The following GJB7 variants were observed in gnomAD, a reference collection of about 807,000 sequenced individuals.
GJB7 encodes the protein gap junction protein beta 7, also known as gap junction beta-7 protein.
For synonymous variants in GJB7, 87 were observed against 95.2 expected, an observed-to-expected ratio of 0.91 and a Z score of 0.50; for missense variants, 253 against 256.8, an observed-to-expected ratio of 0.99 and a Z score of 0.10.
rs192480378 is a variant in GJB7 at position 87,291,644 on chromosome 6, A to G, written c.-27-6705T>C. Among the ~76,000 whole-genome samples the G allele has an allele frequency of 8.2e-4, 125 of 152,288 alleles. 3 individuals are homozygous for G. The South Asian group carries it at 0.019, about 24-fold the overall frequency. On this transcript the variant is annotated intron_variant, in intron 2 of 2. Coordinates refer to ENST00000525899, the MANE Select transcript of GJB7 (RefSeq NM_198568.3). ...CTGAAAGCTCTAGAGTCAACCACAC[A>G]TTCCACATAGGCAACCTTACTTCGT...
intron 2 of GJB7, among the ~76,000 whole-genome samples, chr6:87,296,095 A>G (rs1456601779): frequency 1.3e-5 from 2 of 152,244 alleles, no homozygotes; most frequent in Non-Finnish European, 2.9e-5. Context: ...GAAAACATTT[A>G]GAGCCAACTA....
intron 2 of GJB7, among the ~76,000 whole-genome samples, chr6:87,320,350 G>C (rs1272443975): frequency 6.6e-6 from 1 of 152,022 alleles, no homozygotes; most frequent in Non-Finnish European, 1.5e-5. Flanking sequence ...AAGTTAATTT[G>C]GCTTGGGAGA....
At chr6:87,328,164 T>C (rs577563644) in intron 1 of GJB7, among the ~76,000 whole-genome samples, 2 of 152,328 alleles carry the variant, frequency 1.3e-5, no homozygotes, top group South Asian at 4.1e-4. Context: ...TTCTAAACTT[T>C]TTTCAAAGTT....
chr6:87,302,273 G>A (rs1776342763), intron 2 of GJB7, among the ~76,000 whole-genome samples: 1 of 149,768 alleles, frequency 6.7e-6, no homozygotes, highest in Non-Finnish European at 1.5e-5. Context: ...GAAGCTAAAA[G>A]CCTTGAAAAA....
At chr6:87,294,038 CA>C (rs1283018163) in intron 2 of GJB7, among the ~76,000 whole-genome samples, 1 of 152,174 alleles carries the variant, frequency 6.6e-6, no homozygotes, top group Non-Finnish European at 1.5e-5. Flanking sequence ...TTAATTCTTC[CA>C]CCTCCATCTT....
intron 2 of GJB7, among the ~76,000 whole-genome samples, chr6:87,285,741 G>A (rs1318112348): frequency 6.6e-6 from 1 of 152,146 alleles, no homozygotes; most frequent in East Asian, 1.9e-4. Flanking sequence ...TTTTAGTGGG[G>A]GAGAGGGAGA....
At chr6:87,288,671 T>C (rs1776109580) in intron 2 of GJB7, among the ~76,000 whole-genome samples, 2 of 152,344 alleles carry the variant, frequency 1.3e-5, no homozygotes, top group Non-Finnish European at 2.9e-5. Flanking sequence ...TTCAGTAAAC[T>C]GCACCACCAT....
At chr6:87,321,354 A>G (rs1230937243) in intron 2 of GJB7, among the ~76,000 whole-genome samples, 13 of 152,010 alleles carry the variant, frequency 8.6e-5, no homozygotes, top group Admixed American at 7.2e-4. Flanking sequence ...GGGGTAACAT[A>G]TTTTTATTTC....
At chr6:87,324,353 G>C (rs538955159) in intron 1 of GJB7, among the ~76,000 whole-genome samples, 223 of 152,236 alleles carry the variant, frequency 1.5e-3, no homozygotes, top group Non-Finnish European at 2.5e-3. Context: ...CCATGCCTAT[G>C]TCCTGAATGG....
intron 2 of GJB7, among the ~76,000 whole-genome samples, chr6:87,290,335 C>T (rs1240642203): frequency 2.0e-5 from 3 of 152,146 alleles, no homozygotes; most frequent in African/African-American, 7.2e-5. Flanking sequence ...AATCATCTAA[C>T]CCCTGAAGAA....
intron 2 of GJB7, among the ~76,000 whole-genome samples, chr6:87,317,090 C>T (rs566249429): frequency 6.6e-6 from 1 of 151,866 alleles, no homozygotes; most frequent in African/African-American, 2.4e-5. Flanking sequence ...CGTGGTGGCT[C>T]ATGCCTGTAA....
In GJB7 at chr6:87,316,085, G is replaced by T. The variant is rs557361844; in HGVS notation, c.-28+6781C>A. ...TGATCACCATCCCTTTAGGGGATCA[G>T]ATTTGTTTTCAGTTGGCCAAGGAAC... On this transcript the variant is annotated intron_variant, in intron 2 of 2. Coordinates refer to ENST00000525899, the MANE Select transcript of GJB7 (RefSeq NM_198568.3). Among the ~76,000 whole-genome samples the T allele has an allele frequency of 3.3e-5, 5 of 152,294 alleles. No homozygotes were observed. In the South Asian group the frequency reaches 1.0e-3, roughly 32 times the overall value.
intron 2 of GJB7, among the ~76,000 whole-genome samples, chr6:87,304,285 A>T (rs941361018): frequency 1.3e-5 from 2 of 152,210 alleles, no homozygotes; most frequent in African/African-American, 4.8e-5. Flanking sequence ...CGCTAGCAAG[A>T]TTAACAAAGA....
intron 2 of GJB7, among the ~76,000 whole-genome samples, chr6:87,317,759 G>T (rs1582568698): frequency 6.6e-6 from 1 of 152,200 alleles, no homozygotes; most frequent in Non-Finnish European, 1.5e-5. Context: ...GAGTTTTAAG[G>T]GCAAAGATTA....
chr6:87,317,431 T>A (rs1228178247), intron 2 of GJB7, among the ~76,000 whole-genome samples: 1 of 125,756 alleles, frequency 8.0e-6, no homozygotes, highest in Non-Finnish European at 1.8e-5. Context: ...TTTAATCTTT[T>A]CCTTTTTTTT....
At chr6:87,292,732 G>C (rs1042898827) in intron 2 of GJB7, among the ~76,000 whole-genome samples, 2 of 152,222 alleles carry the variant, frequency 1.3e-5, no homozygotes, top group African/African-American at 4.8e-5. Context: ...AGTTGGAAAT[G>C]TTTTAGATGG....
chr6:87,284,536 A>G lies in GJB7; in HGVS notation c.377T>C (p.Ile126Thr). ...MDGGLWYAYL[I>T]SLIVKTGFEI... The stretch of plus-strand genomic sequence containing the variant: ...AAAACCAGTTTTAACAATGAGGCTG[A>G]TAAGATAAGCGTACCATAGGCCCCC... The change falls in exon 3 of 3, where the codon ATC becomes ACC. Residue 126 changes from isoleucine to threonine, a missense_variant. Physicochemically the swap from Ile to Thr is moderately conservative, Grantham distance 89 (BLOSUM62 -1). Coordinates refer to ENST00000525899, the MANE Select transcript of GJB7 (RefSeq NM_198568.3). 1 of 1,613,976 alleles carries G rather than the reference A, an allele frequency of 6.2e-7. No homozygotes were observed. The highest frequency in any genetic ancestry group is 1.1e-5 in the South Asian group (1 of 91,084).
intron 1 of GJB7, among the ~76,000 whole-genome samples, chr6:87,323,462 C>A (rs1052804559): frequency 3.1e-5 from 4 of 127,770 alleles, no homozygotes; most frequent in Non-Finnish European, 6.3e-5. Flanking sequence ...GTGTGATGTT[C>A]CCCTTCCTGT....
At chr6:87,318,428 A>G (rs1038022631) in intron 2 of GJB7, among the ~76,000 whole-genome samples, 17 of 152,228 alleles carry the variant, frequency 1.1e-4, no homozygotes, top group African/African-American at 4.1e-4. Context: ...ATGAATCTGC[A>G]GAGTTCAGCT....
Sources: allele counts gnomAD v4.1 joint callset (sites outside exome capture counted in the v4.1 genomes callset), GRCh38; gene constraint gnomAD v4.1.1; transcripts MANE v1.5; gene names NCBI Gene and HGNC (gene_info 2026-07-23, HGNC 2026-07-21).